Variants in SEPSECS observed in about 807,000 individuals in gnomAD.
SEPSECS encodes O-phosphoseryl-tRNA(Sec) selenium transferase.
In SEPSECS, 42 loss-of-function variants were observed where a neutral mutation model predicts 52.1. That is an observed-to-expected ratio of 0.81 (90% CI 0.63 to 1.04). SEPSECS has a LOEUF of 1.04. Ranked by LOEUF, SEPSECS falls within the 50% of genes least tolerant of loss-of-function variation. The pLI is 0.00. For synonymous variants in SEPSECS, 216 were observed against 211.4 expected, an observed-to-expected ratio of 1.02 and a Z score of -0.19; for missense variants, 590 against 610.6, an observed-to-expected ratio of 0.97 and a Z score of 0.36.
intron 10 of SEPSECS, 69 bp downstream of exon 10, chr4:25,125,625 G>T: frequency 1.1e-6 from 1 of 950,992 alleles, no homozygotes; most frequent in South Asian, 1.4e-5. Flanking sequence ...CTATTGTTGA[G>T]GAAAGGTATT....
Position 25,124,079 on chromosome 4 carries a change from C to G in SEPSECS, c.1358G>C (p.Arg453Thr), listed in dbSNP as rs1265637599. 1.2e-6 allele frequency: 2 copies of G among 1,613,804 alleles called. No homozygotes were observed. The highest frequency in any genetic ancestry group is 8.5e-7 in the Non-Finnish European group (1 of 1,179,766). Residue 453 changes from arginine (R) to threonine (T), a missense_variant, in exon 11 of 11, where the codon AGA (arginine) becomes ACA (threonine). Transcript: ENST00000382103. ...KMQDVDLFIK[R>T]LDRCLKAVRK... Reference sequence around the variant, plus strand: ...TACTGCCTTTAAACACCTGTCAAGTCTCTTTATGAACAGGTCCACATCCTG... The same window carrying G: ...TACTGCCTTTAAACACCTGTCAAGTGTCTTTATGAACAGGTCCACATCCTG...
At chr4:25,160,233 G>A (rs1159461299) in intron 1 of SEPSECS, 23 bp downstream of exon 1, 5 of 1,549,892 alleles carry the variant, frequency 3.2e-6, no homozygotes, top group Non-Finnish European at 4.4e-6. Context: ...CGGCGGCTGG[G>A]GAGGGGACCG....
chr4:25,124,221 C>T lies in SEPSECS; in HGVS notation c.1216G>A (p.Val406Met), dbSNP rs1728265115. The T allele has an allele frequency of 1.9e-6, 3 of 1,612,956 alleles. No homozygotes were observed. Among genetic ancestry groups the T allele is most frequent in the African/African-American group, 1.3e-5 (1 of 74,868 alleles). ...FTRQVSGARV[V>M]PLGSMQTVSG... is the part of the protein sequence containing the mutation. ...ACAGTTTGCATGGACCCAAGAGGCACAACCCTGAAAGAAGAAAGATTTACC... is the reference window on the plus strand; with the variant it reads ...ACAGTTTGCATGGACCCAAGAGGCATAACCCTGAAAGAAGAAAGATTTACC... Residue 406 changes from valine (V) to methionine (M), a missense_variant, in exon 11 of 11, where the codon GTG becomes ATG. Physicochemically the swap from Val to Met is conservative, Grantham distance 21. Coordinates refer to ENST00000382103, the MANE Select transcript of SEPSECS (RefSeq NM_016955.4).
intron 8 of SEPSECS, among the ~76,000 whole-genome samples, chr4:25,139,538 A>C (rs1431224815): frequency 6.6e-6 from 1 of 152,042 alleles, no homozygotes; most frequent in Non-Finnish European, 1.5e-5. Flanking sequence ...GGTGTGTGCC[A>C]CCACACCCAG....
intron 8 of SEPSECS, among the ~76,000 whole-genome samples, chr4:25,132,221 A>C (rs1560323942): frequency 6.6e-6 from 1 of 152,250 alleles, no homozygotes; most frequent in Non-Finnish European, 1.5e-5. Flanking sequence ...AGCTAGATGA[A>C]ATAACCTCTA....
rs376196594 is a variant in SEPSECS at position 25,139,578 on chromosome 4, G to T, written c.1026+5196C>A. Among the ~76,000 whole-genome samples the T allele has an allele frequency of 1.7e-3, 258 of 152,034 alleles. 2 individuals are homozygous for T. The highest frequency in any genetic ancestry group is 6.1e-3 in the African/African-American group (253 of 41,450). On this transcript the variant is annotated intron_variant, in intron 8 of 10. Transcript: ENST00000382103. ...TTTTTGTATTTTTAGTAAAGACAGG[G>T]TTTCACCATCTTGGCCAGGATGGTC...
intron 8 of SEPSECS, among the ~76,000 whole-genome samples, chr4:25,142,989 A>G (rs185703707): frequency 1.1e-3 from 165 of 152,350 alleles, no homozygotes; most frequent in African/African-American, 3.8e-3. Context: ...GAGAGCTAAG[A>G]ACCACTGAAA....
chr4:25,134,154 G>T, intron 8 of SEPSECS, among the ~76,000 whole-genome samples: 2 of 136,632 alleles, frequency 1.5e-5, no homozygotes, highest in African/African-American at 5.6e-5. Flanking sequence ...AAAAAAAAGT[G>T]CATAGAATTC....
At chr4:25,140,281 C>A (rs1729007953) in intron 8 of SEPSECS, among the ~76,000 whole-genome samples, 1 of 152,210 alleles carries the variant, frequency 6.6e-6, no homozygotes, top group African/African-American at 2.4e-5. Context: ...TCTGCACAAG[C>A]AAACAACATA....
Position 25,128,462 on chromosome 4 carries a change from C to T in SEPSECS, c.1027-1105G>A, listed in dbSNP as rs563790477. On this transcript the variant is annotated intron_variant, in intron 8 of 10. Transcript: ENST00000382103. ...ACAAAAACAAAAACAAAAACAAAAA[C>T]AAAACAAAAAAAGGCAACTAAAACT... Among the ~76,000 whole-genome samples the T allele has an allele frequency of 4.0e-5, 6 of 149,686 alleles. No homozygotes were observed. The East Asian group carries it at 1.2e-3, about 30-fold the overall frequency.
At chr4:25,147,050 C>T (rs1231209075) in intron 6 of SEPSECS, among the ~76,000 whole-genome samples, 1 of 152,224 alleles carries the variant, frequency 6.6e-6, no homozygotes, top group Non-Finnish European at 1.5e-5. Context: ...ATGGTTCAGC[C>T]ATACTGGCCT....
At chr4:25,150,613 C>T (rs533087614) in intron 6 of SEPSECS, among the ~76,000 whole-genome samples, 123 of 151,964 alleles carry the variant, frequency 8.1e-4, no homozygotes, top group African/African-American at 2.9e-3. Context: ...TTGTAAGACA[C>T]CACTGATTAT....
chr4:25,138,429 A>G (rs1728928976), intron 8 of SEPSECS, among the ~76,000 whole-genome samples: 1 of 151,846 alleles, frequency 6.6e-6, no homozygotes, highest in Non-Finnish European at 1.5e-5. Context: ...AGACCAGCCT[A>G]GGCAACATAG....
intron 5 of SEPSECS, among the ~76,000 whole-genome samples, chr4:25,153,827 A>C (rs949373251): frequency 5.8e-4 from 89 of 152,226 alleles, no homozygotes; most frequent in African/African-American, 2.0e-3. Flanking sequence ...GACTGATAAA[A>C]ATCTTCATTA....
At chr4:25,136,420 G>A (rs1384691062) in intron 8 of SEPSECS, among the ~76,000 whole-genome samples, 1 of 151,916 alleles carries the variant, frequency 6.6e-6, no homozygotes, top group East Asian at 1.9e-4. Context: ...AACAAGCAGA[G>A]AGCCAAATCA....
At position 25,120,628 on chromosome 4, in the gene SEPSECS, T is replaced by C. The variant is rs894153449; in HGVS notation, c.*3303A>G. 1 of 152,142 alleles carries C rather than the reference T, an allele frequency of 6.6e-6. No individual in the cohort carries two copies. The highest frequency in any genetic ancestry group is 2.4e-5 in the African/African-American group (1 of 41,460). 9.4% of individuals were successfully genotyped at this position (152,142 alleles called of 1,614,324 possible). ...TACAAAATAAGGTTGGCCTCAAAAA[T>C]GCAAAACATAACAAAATCATTTAAG... On this transcript the variant is annotated 3_prime_UTR_variant, in exon 11 of 11. Transcript: ENST00000382103.
At chr4:25,157,589 G>C (rs1272468171) in intron 2 of SEPSECS, among the ~76,000 whole-genome samples, 4 of 148,940 alleles carry the variant, frequency 2.7e-5, no homozygotes, top group Non-Finnish European at 5.9e-5. Flanking sequence ...CTGTCGCCCA[G>C]GCTGGAGTGC....
At chr4:25,158,458 G>T (rs1040778133) in intron 2 of SEPSECS, among the ~76,000 whole-genome samples, 2 of 152,026 alleles carry the variant, frequency 1.3e-5, no homozygotes, top group Non-Finnish European at 2.9e-5. Context: ...AAAGAAAAAG[G>T]TCACTTAATA....
intron 9 of SEPSECS, 37 bp downstream of exon 9, chr4:25,127,227 A>AT (rs764568391): frequency 1.5e-6 from 2 of 1,328,612 alleles, no homozygotes; most frequent in Non-Finnish European, 2.2e-6. Flanking sequence ...AGAGTGGATC[A>AT]TAAGTATTTG....
Sources: allele counts gnomAD v4.1 joint callset (sites outside exome capture counted in the v4.1 genomes callset), GRCh38; gene constraint gnomAD v4.1.1; transcripts MANE v1.5; gene names NCBI Gene and HGNC (gene_info 2026-07-23, HGNC 2026-07-21).